KPNA1: variants seen among roughly 807,000 people sequenced by gnomAD.
The protein encoded by KPNA1 is importin subunit alpha-5.
A neutral mutation model predicts 70.5 loss-of-function variants in KPNA1; 10 were observed. That is an observed-to-expected ratio of 0.14 (90% CI 0.09 to 0.24). The LOEUF is 0.24. Ranked by LOEUF, KPNA1 falls within the 10% of genes least tolerant of loss-of-function variation. The pLI is 1.00. For missense variants in KPNA1, 397 were observed against 637.9 expected (o/e 0.62, Z 4.07); for synonymous variants, 192 against 221.9 (o/e 0.87, Z 1.20).
chr3:122,468,669 A>G (rs2076408402), intron 2 of KPNA1, among the ~76,000 whole-genome samples: 1 of 152,246 alleles, frequency 6.6e-6, no homozygotes, highest in African/African-American at 2.4e-5. Flanking sequence ...CAAGAATTTA[A>G]AACTACGATT....
chr3:122,427,238 A>C, intron 13 of KPNA1, 66 bp from the exon 14 acceptor site: 4 of 1,154,492 alleles, frequency 3.5e-6, no homozygotes, highest in Non-Finnish European at 5.0e-6. Context: ...TTCCATAACT[A>C]TATATTCCTA....
At chr3:122,433,387 C>T (rs1043453728) in intron 12 of KPNA1, 11 of 298,098 alleles carry the variant, frequency 3.7e-5, no homozygotes, top group East Asian at 5.8e-5. Flanking sequence ...CCTCAAGCCT[C>T]GACTATGCCT....
chr3:122,486,427 G>A (rs190956031), intron 2 of KPNA1, among the ~76,000 whole-genome samples: 1 of 152,288 alleles, frequency 6.6e-6, no homozygotes, highest in East Asian at 1.9e-4. Flanking sequence ...ACAGAAAATA[G>A]ATCAGAGGAA....
intron 2 of KPNA1, among the ~76,000 whole-genome samples, chr3:122,470,046 C>G (rs376587337): frequency 1.3e-5 from 2 of 151,988 alleles, no homozygotes; most frequent in East Asian, 3.8e-4. Context: ...TGATACAGGT[C>G]AGAAACTTGG....
intron 2 of KPNA1, chr3:122,483,355 T>A (rs976313468): frequency 2.6e-5 from 4 of 155,336 alleles, no homozygotes; most frequent in Non-Finnish European, 5.7e-5. Flanking sequence ...TTTGTTTTGT[T>A]TTTTTTAAAT....
intron 1 of KPNA1, among the ~76,000 whole-genome samples, chr3:122,513,516 C>A: frequency 6.6e-6 from 1 of 151,914 alleles, no homozygotes; most frequent in East Asian, 1.9e-4. Context: ...CTAGTTAAGA[C>A]AAAAACAATG....
chr3:122,439,008 A>G (rs1313038150), intron 10 of KPNA1, among the ~76,000 whole-genome samples: 1 of 152,224 alleles, frequency 6.6e-6, no homozygotes, highest in Non-Finnish European at 1.5e-5. Context: ...TAAAATTTTA[A>G]TAGAAAATTA....
chr3:122,481,864 T>C (rs1284111780), intron 2 of KPNA1, among the ~76,000 whole-genome samples: 3 of 152,206 alleles, frequency 2.0e-5, no homozygotes, highest in Non-Finnish European at 4.4e-5. Context: ...TATATATCTA[T>C]TCAACTAGGA....
chr3:122,480,683 A>G (rs1171733002), intron 2 of KPNA1, among the ~76,000 whole-genome samples: 2 of 152,052 alleles, frequency 1.3e-5, no homozygotes. Context: ...AAAAAAAAAA[A>G]GTATTTTAAA....
rs184546037 is a variant in KPNA1 at position 122,501,014 on chromosome 3, T to C, written c.-5-4444A>G. Reference sequence around the variant, plus strand: ...TAGGTTACTGATTTGAGATCTTTCTTCTTTTCTTTTCTTTCCTTTTTTTTT... The same window carrying C: ...TAGGTTACTGATTTGAGATCTTTCTCCTTTTCTTTTCTTTCCTTTTTTTTT... On this transcript the variant is annotated intron_variant, in intron 1 of 13. Transcript: ENST00000344337. Among the ~76,000 whole-genome samples the C allele has an allele frequency of 3.7e-3, 530 of 144,494 alleles. 2 individuals are homozygous for C. Among genetic ancestry groups the C allele is most frequent in the African/African-American group, 0.013 (514 of 39,778 alleles). The allele number at this position is 144,494 out of a possible 152,430, so 94.8% of individuals were successfully genotyped here.
intron 1 of KPNA1, among the ~76,000 whole-genome samples, chr3:122,498,174 G>A (rs1217421870): frequency 3.3e-5 from 5 of 152,216 alleles, no homozygotes; most frequent in Admixed American, 2.0e-4. Context: ...GCTATAGACT[G>A]AATGTGTGTC....
At chr3:122,444,482 G>A (rs141924443) in intron 9 of KPNA1, among the ~76,000 whole-genome samples, 227 of 152,302 alleles carry the variant, frequency 1.5e-3, no homozygotes, top group Middle Eastern at 3.4e-3. Context: ...CAGTAGACAC[G>A]CGTAAGAAAT....
intron 1 of KPNA1, among the ~76,000 whole-genome samples, chr3:122,497,376 A>G (rs1416750403): frequency 1.3e-5 from 2 of 152,234 alleles, no homozygotes; most frequent in Admixed American, 6.5e-5. Context: ...GCTATTATGA[A>G]TAACACTTCT....
intron 1 of KPNA1, among the ~76,000 whole-genome samples, chr3:122,508,954 A>C (rs866862943): frequency 6.6e-6 from 1 of 152,206 alleles, no homozygotes; most frequent in Non-Finnish European, 1.5e-5. Context: ...ACTATAAAAT[A>C]AGAATGAGAG....
intron 1 of KPNA1, among the ~76,000 whole-genome samples, chr3:122,511,201 C>G (rs1399246529): frequency 1.3e-5 from 2 of 151,970 alleles, no homozygotes; most frequent in Non-Finnish European, 2.9e-5. Context: ...CTAGCTGACC[C>G]CAAGCTGCCT....
chr3:122,467,227 C>T (rs2107749930), intron 3 of KPNA1, 95 bp downstream of exon 3: 1 of 571,562 alleles, frequency 1.7e-6, no homozygotes, highest in Non-Finnish European at 3.1e-6. Context: ...ATGCCAAGTA[C>T]TTTTTGTAGC....
At chr3:122,455,200 G>A (rs2076251130) in intron 5 of KPNA1, among the ~76,000 whole-genome samples, 1 of 152,146 alleles carries the variant, frequency 6.6e-6, no homozygotes, top group South Asian at 2.1e-4. Flanking sequence ...CAGGAAAATG[G>A]GCCATCTGAT....
chr3:122,463,865 GT>G, intron 4 of KPNA1, 76 bp downstream of exon 4: 1 of 629,722 alleles, frequency 1.6e-6, no homozygotes, highest in Non-Finnish European at 2.7e-6. Context: ...CAAATTACCT[GT>G]GGTATGAAAA....
chr3:122,508,311 T>G (rs536999419), intron 1 of KPNA1, among the ~76,000 whole-genome samples: 28 of 152,212 alleles, frequency 1.8e-4, no homozygotes, highest in African/African-American at 6.7e-4. Flanking sequence ...ACAAGCTGAT[T>G]CACACTACCT....
Sources: allele counts gnomAD v4.1 joint callset (sites outside exome capture counted in the v4.1 genomes callset), GRCh38; gene constraint gnomAD v4.1.1; transcripts MANE v1.5; gene names NCBI Gene and HGNC (gene_info 2026-07-23, HGNC 2026-07-21).